The following SNTG1 variants were observed in gnomAD, a reference collection of about 807,000 sequenced individuals.
The protein encoded by SNTG1 is syntrophin gamma 1, also known as gamma-1-syntrophin.
In SNTG1, 39 loss-of-function variants were observed where a neutral mutation model predicts 74.7. The observed-to-expected ratio is 0.52, with a 90% confidence interval of 0.40 to 0.68. The LOEUF is 0.68. SNTG1 is among the 30% of genes least tolerant of loss of function. The pLI is 0.00. For synonymous variants in SNTG1, 254 were observed against 217.1 expected (o/e 1.17, Z -1.49); for missense variants, 685 against 609.5 (o/e 1.12, Z -1.30).
intron 2 of SNTG1, among the ~76,000 whole-genome samples, chr8:50,387,089 T>C (rs903288293): frequency 4.6e-5 from 7 of 152,158 alleles, no homozygotes; most frequent in Non-Finnish European, 1.0e-4. Context: ...ATGATCAACT[T>C]GCCAACACCA....
chr8:50,673,807 G>T, intron 15 of SNTG1, among the ~76,000 whole-genome samples: 1 of 152,090 alleles, frequency 6.6e-6, no homozygotes, highest in East Asian at 1.9e-4. Context: ...TATATCTGTT[G>T]TGGGTTTGTC....
intron 12 of SNTG1, among the ~76,000 whole-genome samples, chr8:50,587,558 C>T (rs2094658750): frequency 6.6e-6 from 1 of 152,278 alleles, no homozygotes; most frequent in Admixed American, 6.5e-5. Context: ...GGCGCAGTGG[C>T]TCACGCCTGA....
At chr8:50,492,967 A>T (rs1166672842) in intron 8 of SNTG1, among the ~76,000 whole-genome samples, 1 of 152,108 alleles carries the variant, frequency 6.6e-6, no homozygotes, top group South Asian at 2.1e-4. Flanking sequence ...CAAAACAGAT[A>T]TATAGACCAA....
chr8:50,074,633 TCAC>T (rs911130209), intron 1 of SNTG1, among the ~76,000 whole-genome samples: 2 of 152,330 alleles, frequency 1.3e-5, no homozygotes, highest in Admixed American at 6.5e-5. Context: ...TGGTAACAGA[TCAC>T]CACAACATAA....
At chr8:50,486,884 C>T (rs1430829240) in intron 8 of SNTG1, among the ~76,000 whole-genome samples, 1 of 152,082 alleles carries the variant, frequency 6.6e-6, no homozygotes, top group East Asian at 1.9e-4. Flanking sequence ...TTGTCAAAGG[C>T]CTTTTCTGCA....
At chr8:49,918,438 A>G (rs901034969) in intron 1 of SNTG1, among the ~76,000 whole-genome samples, 3 of 152,206 alleles carry the variant, frequency 2.0e-5, no homozygotes, top group African/African-American at 7.2e-5. Flanking sequence ...ATTATTAGTT[A>G]TTGACTAATA....
intron 2 of SNTG1, among the ~76,000 whole-genome samples, chr8:50,300,209 G>A (rs1431570038): frequency 6.6e-6 from 1 of 152,066 alleles, no homozygotes; most frequent in Non-Finnish European, 1.5e-5. Flanking sequence ...GACCAAAAGA[G>A]TATTACGAAA....
intron 4 of SNTG1, among the ~76,000 whole-genome samples, chr8:50,432,542 T>C (rs1337586591): frequency 6.6e-6 from 1 of 152,106 alleles, no homozygotes; most frequent in Non-Finnish European, 1.5e-5. Context: ...TTTGCTAGTA[T>C]CCACAAATAG....
intron 1 of SNTG1, among the ~76,000 whole-genome samples, chr8:50,156,277 A>G (rs1181040196): frequency 6.6e-6 from 1 of 152,090 alleles, no homozygotes. Context: ...TTGTTGTACG[A>G]AATCAGTATG....
intron 17 of SNTG1, among the ~76,000 whole-genome samples, chr8:50,748,825 AG>A (rs1306756995): frequency 6.6e-6 from 1 of 152,028 alleles, no homozygotes; most frequent in African/African-American, 2.4e-5. Context: ...TTAACCAAAA[AG>A]ATGTGTGTTC....
chr8:50,658,754 C>A, intron 15 of SNTG1, 91 bp downstream of exon 15: 2 of 778,488 alleles, frequency 2.6e-6, no homozygotes, highest in Non-Finnish European at 4.2e-6. Flanking sequence ...ACAAATCATT[C>A]ATGGAATGAA....
chr8:50,590,471 T>C (rs2094684344), intron 12 of SNTG1, among the ~76,000 whole-genome samples: 1 of 152,112 alleles, frequency 6.6e-6, no homozygotes, highest in South Asian at 2.1e-4. Context: ...CTTTATCCTT[T>C]AGCGTTTGGA....
At chr8:50,751,934 A>G in intron 17 of SNTG1, 67 bp from the exon 18 acceptor site, 2 of 911,876 alleles carry the variant, frequency 2.2e-6, no homozygotes, top group Non-Finnish European at 3.3e-6. Context: ...TTAAAAAAGA[A>G]CTATTTCTTG....
At chr8:50,218,571 A>T (rs1334108234) in intron 2 of SNTG1, among the ~76,000 whole-genome samples, 1 of 151,996 alleles carries the variant, frequency 6.6e-6, no homozygotes, top group Non-Finnish European at 1.5e-5. Context: ...TTTTCAGTAT[A>T]GTGAATGGTT....
chr8:50,465,479 G>T (rs924401017), intron 8 of SNTG1, among the ~76,000 whole-genome samples: 19 of 152,136 alleles, frequency 1.2e-4, no homozygotes, highest in East Asian at 5.8e-4. Context: ...ACACACTGAA[G>T]TTAACTCTTT....
intron 1 of SNTG1, among the ~76,000 whole-genome samples, chr8:49,924,981 C>A (rs1045663813): frequency 1.1e-4 from 16 of 151,802 alleles, no homozygotes; most frequent in Admixed American, 9.9e-4. Context: ...GAGACCCCCC[C>A]ATCACTACAA....
chr8:50,524,116 A>T (rs1352655444), intron 9 of SNTG1, among the ~76,000 whole-genome samples: 1 of 151,780 alleles, frequency 6.6e-6, no homozygotes, highest in Middle Eastern at 3.2e-3. Flanking sequence ...CCTTTTATCA[A>T]TTTCTTTTGT....
At chr8:50,416,084 T>C (rs973120402) in intron 4 of SNTG1, among the ~76,000 whole-genome samples, 1 of 152,182 alleles carries the variant, frequency 6.6e-6, no homozygotes, top group African/African-American at 2.4e-5. Context: ...TATTTTAGAT[T>C]GTATCTTTTC....
intron 15 of SNTG1, among the ~76,000 whole-genome samples, chr8:50,678,577 T>C (rs2095318566): frequency 2.0e-5 from 3 of 152,278 alleles, no homozygotes; most frequent in Admixed American, 1.3e-4. Context: ...TAACCGTAAG[T>C]TATACAATTT....
Sources: gnomAD v4.1 joint callset for allele counts (sites outside exome capture counted in the v4.1 genomes callset) on GRCh38, gnomAD v4.1.1 for gene constraint, MANE v1.5 for transcripts, NCBI Gene and HGNC (gene_info 2026-07-23, HGNC 2026-07-21) for gene names.